Variants in NPHP4 observed in about 807,000 individuals in gnomAD.
NPHP4 encodes the protein nephrocystin 4, also known as nephrocystin-4.
Under a neutral mutation model 155.8 loss-of-function variants are expected in NPHP4, and 151 were observed. The observed-to-expected ratio is 0.97, with a 90% CI of 0.85 to 1.11. NPHP4 has a LOEUF of 1.11. Ranked by LOEUF, NPHP4 falls within the 50% of genes least tolerant of loss-of-function variation. The pLI is 0.00. For synonymous variants in NPHP4, 845 were observed against 816.8 expected (o/e 1.03, Z -0.59); for missense variants, 1,956 against 1,925.7 (o/e 1.02, Z -0.29).
intron 29 of NPHP4, 36 bp from the exon 30 acceptor site, chr1:5,863,441 C>T (rs144096137): frequency 1.7e-5 from 27 of 1,607,766 alleles, no homozygotes; most frequent in East Asian, 4.5e-5. Flanking sequence ...CATCCACCCC[C>T]GGGCTGTCCC....
chr1:5,919,158 A>G (rs1243470484), intron 11 of NPHP4, among the ~76,000 whole-genome samples: 1 of 152,226 alleles, frequency 6.6e-6, no homozygotes, highest in Non-Finnish European at 1.5e-5. Context: ...ATCCTAAAAT[A>G]CTTACTATTT....
intron 18 of NPHP4, among the ~76,000 whole-genome samples, chr1:5,885,359 G>A (rs986382824): frequency 1.2e-4 from 16 of 128,948 alleles, no homozygotes; most frequent in African/African-American, 4.1e-4. Context: ...CCCATCCTAC[G>A]CCGCAACCAA....
chr1:5,928,083 T>C (rs1373279049), intron 10 of NPHP4, among the ~76,000 whole-genome samples: 1 of 152,208 alleles, frequency 6.6e-6, no homozygotes, highest in South Asian at 2.1e-4. Flanking sequence ...ACATCTTTAT[T>C]CTGGGTATGG....
At chr1:5,976,990 T>C (rs1398935118) in intron 3 of NPHP4, among the ~76,000 whole-genome samples, 2 of 152,142 alleles carry the variant, frequency 1.3e-5, no homozygotes, top group Non-Finnish European at 2.9e-5. Flanking sequence ...ACTGTCCCAA[T>C]ACCAGGCCTC....
rs1427020648 is a variant in NPHP4, at chr1:5,892,066, GA to G, written c.2144-1039del. Reference sequence around the variant, plus strand: ...ATCTTGGGGCAGAAAGGCAAATAAGGAATCTGGAGGAAGACCAAGGAGGAGC... The same window carrying G: ...ATCTTGGGGCAGAAAGGCAAATAAGGATCTGGAGGAAGACCAAGGAGGAGC... On this transcript the variant is annotated intron_variant, in intron 16 of 29. Coordinates refer to ENST00000378156, the MANE Select transcript of NPHP4 (RefSeq NM_015102.5). The surrounding 1 kb of genome is among the most constrained non-coding windows in gnomAD (Gnocchi z 4.5). 1.3e-5 allele frequency among the ~76,000 whole-genome samples: 2 copies of G among 152,230 alleles called. No individual in the cohort carries two copies. Among genetic ancestry groups the G allele is most frequent in the African/African-American group, 4.8e-5 (2 of 41,464 alleles).
intron 2 of NPHP4, among the ~76,000 whole-genome samples, chr1:5,981,194 A>G (rs2102404956): frequency 6.6e-6 from 1 of 152,186 alleles, no homozygotes; most frequent in South Asian, 2.1e-4. Flanking sequence ...TCAGGAGGCC[A>G]TTCTCAGGCA....
intron 9 of NPHP4, among the ~76,000 whole-genome samples, chr1:5,937,018 G>A (rs554663201): frequency 1.2e-4 from 19 of 152,352 alleles, no homozygotes; most frequent in South Asian, 6.2e-4. Flanking sequence ...GGCGGAGAAC[G>A]GAGTGATATG....
At chr1:5,952,405 A>T (rs1648281896) in intron 7 of NPHP4, among the ~76,000 whole-genome samples, 1 of 152,246 alleles carries the variant, frequency 6.6e-6, no homozygotes, top group African/African-American at 2.4e-5. Context: ...TCACTGTTGA[A>T]GTTAAAACAA....
At chr1:5,986,754 C>T (rs541012993) in intron 1 of NPHP4, among the ~76,000 whole-genome samples, 109 of 152,222 alleles carry the variant, frequency 7.2e-4, no homozygotes, top group Non-Finnish European at 1.2e-3. Flanking sequence ...CTCCGCCCCA[C>T]CCCTACCCCC....
intron 3 of NPHP4, among the ~76,000 whole-genome samples, chr1:5,969,522 C>T (rs150796825): frequency 8.3e-4 from 127 of 152,220 alleles, no homozygotes; most frequent in African/African-American, 2.6e-3. Context: ...TGTCTGCTTC[C>T]GCTCCAGGAA....
intron 19 of NPHP4, 65 bp downstream of exon 19, chr1:5,880,047 GCA>G: frequency 1.3e-6 from 2 of 1,550,406 alleles, no homozygotes; most frequent in South Asian, 2.3e-5. Flanking sequence ...ACACACACAC[GCA>G]GTCTTCCACC....
rs553018262 is a variant in NPHP4, at chr1:5,968,013, G to A, written c.453-650C>T. Among the ~76,000 whole-genome samples the A allele has an allele frequency of 8.7e-4, 133 of 152,096 alleles. 1 individual carries two copies. The highest frequency in any genetic ancestry group is 1.3e-3 in the Non-Finnish European group (89 of 68,004). ...CCGGCTCCTACACAGAGCCTGGCAC[G>A]CGACAGACACTCAGCCAGCGTGTGC... On this transcript the variant is annotated intron_variant, in intron 4 of 29. Transcript: ENST00000378156.
intron 9 of NPHP4, among the ~76,000 whole-genome samples, chr1:5,945,721 G>A (rs546632400): frequency 2.2e-4 from 34 of 152,332 alleles, no homozygotes; most frequent in African/African-American, 7.9e-4. Context: ...AAGATGTCTT[G>A]TCAACCGTTT....
At chr1:5,888,736 T>C in intron 17 of NPHP4, 1 of 609,048 alleles carries the variant, frequency 1.6e-6, no homozygotes, top group South Asian at 1.7e-5. Context: ...GGCGACTGGT[T>C]TAAAGGCTGA....
chr1:5,865,146 C>T lies in NPHP4; in HGVS notation c.3772G>A (p.Val1258Met), dbSNP rs777591708. The T allele has an allele frequency of 6.2e-7, 1 of 1,613,754 alleles. No individual in the cohort carries two copies. The highest frequency in any genetic ancestry group is 1.3e-5 in the African/African-American group (1 of 75,076). Residue 1258 changes from valine to methionine, a missense_variant, in exon 27 of 30, where the codon GTG (valine) becomes ATG (methionine). By Grantham distance (21) the Val-to-Met change is conservative. Coordinates refer to ENST00000378156, the MANE Select transcript of NPHP4 (RefSeq NM_015102.5). Reference sequence around the variant, plus strand: ...GAGGTGAAAGCTCTCACTTTCCTCACTGTCTGTGTCCCCCGAAGGACAAGG... The same window carrying T: ...GAGGTGAAAGCTCTCACTTTCCTCATTGTCTGTGTCCCCCGAAGGACAAGG... ...LSLVLRGTQTVRKVRAFTSHP... is the reference protein window; with the variant it reads ...LSLVLRGTQTMRKVRAFTSHP...
At chr1:5,966,872 GA>G (rs1383791188) in intron 5 of NPHP4, among the ~76,000 whole-genome samples, 1 of 152,192 alleles carries the variant, frequency 6.6e-6, no homozygotes, top group Non-Finnish European at 1.5e-5. Flanking sequence ...GGTCACTGAG[GA>G]ACAGCAGGAA....
intron 10 of NPHP4, among the ~76,000 whole-genome samples, chr1:5,929,653 T>G (rs1646177564): frequency 6.6e-6 from 1 of 152,226 alleles, no homozygotes. Context: ...AAGCTCCACT[T>G]GGCTATAGTG....
At position 5,922,885 on chromosome 1, in the gene NPHP4, C is replaced by A. The variant is rs535302809; in HGVS notation, c.1441+4764G>T. On this transcript the variant is annotated intron_variant, in intron 11 of 29. Transcript: ENST00000378156. ...ACGGTGGCACTCCCTGTAGTCCTGGCTACTCAGGAGGCTGAGGCGGGTGGA... is the reference window on the plus strand; with the variant it reads ...ACGGTGGCACTCCCTGTAGTCCTGGATACTCAGGAGGCTGAGGCGGGTGGA... Among the ~76,000 whole-genome samples the A allele has an allele frequency of 8.5e-5, 13 of 152,286 alleles. No homozygotes were observed. In the East Asian group the frequency reaches 2.5e-3, roughly 29 times the overall value.
chr1:5,988,996 C>CGCTCAA (rs1557901442), intron 1 of NPHP4, among the ~76,000 whole-genome samples: 1 of 152,184 alleles, frequency 6.6e-6, no homozygotes, highest in African/African-American at 2.4e-5. Context: ...CTATTTTTGT[C>CGCTCAA]GCTCAACTTC....
Sources: gnomAD v4.1 joint callset for allele counts (sites outside exome capture counted in the v4.1 genomes callset) on GRCh38, gnomAD v4.1.1 for gene constraint, Gnocchi (gnomAD v3.1) non-coding constraint, MANE v1.5 for transcripts, NCBI Gene and HGNC (gene_info 2026-07-23, HGNC 2026-07-21) for gene names.